TSHZ2: variants seen among roughly 807,000 people sequenced by gnomAD.
TSHZ2 encodes teashirt zinc finger homeobox 2.
TSHZ2 carries 21 observed loss-of-function variants against 74.4 expected under a neutral mutation model. The observed-to-expected ratio is 0.28, with a 90% CI of 0.20 to 0.41. The LOEUF is 0.41. Among genes scored for constraint, TSHZ2 ranks in the 10% least tolerant of loss-of-function variants. TSHZ2 has a pLI of 1.00. For missense variants in TSHZ2, 1,244 were observed against 1,293.5 expected (o/e 0.96, Z 0.59); for synonymous variants, 540 against 515.3 (o/e 1.05, Z -0.65).
intron 2 of TSHZ2, among the ~76,000 whole-genome samples, chr20:53,349,199 T>C (rs2145582973): frequency 6.6e-6 from 1 of 152,368 alleles, no homozygotes; most frequent in South Asian, 2.1e-4. Context: ...TTTCCTCATC[T>C]GTTAAAACTG....
At chr20:53,332,351 G>A (rs1038189586) in intron 2 of TSHZ2, among the ~76,000 whole-genome samples, 2 of 152,142 alleles carry the variant, frequency 1.3e-5, no homozygotes, top group African/African-American at 4.8e-5. Flanking sequence ...AAAGGCAAAG[G>A]CAACAGCATG....
intron 2 of TSHZ2, among the ~76,000 whole-genome samples, chr20:53,403,664 C>G (rs1375687051): frequency 6.6e-6 from 1 of 152,204 alleles, no homozygotes; most frequent in Non-Finnish European, 1.5e-5. Context: ...GCTGCTCACA[C>G]ACAGAAACGC....
chr20:53,264,819 G>A (rs1425970433), intron 2 of TSHZ2, among the ~76,000 whole-genome samples: 1 of 152,202 alleles, frequency 6.6e-6, no homozygotes, highest in Non-Finnish European at 1.5e-5. Flanking sequence ...TGGCATTCCT[G>A]TCGGGGAGAT....
At chr20:53,050,056 G>A (rs1035775315) in intron 1 of TSHZ2, among the ~76,000 whole-genome samples, 1 of 143,940 alleles carries the variant, frequency 6.9e-6, no homozygotes, top group South Asian at 2.4e-4. Context: ...ACTCTAGCCT[G>A]GGCAACAAAG....
At chr20:53,296,227 C>T (rs941994554) in intron 2 of TSHZ2, among the ~76,000 whole-genome samples, 2 of 152,094 alleles carry the variant, frequency 1.3e-5, no homozygotes, top group Non-Finnish European at 2.9e-5. Context: ...ATTGATGTCT[C>T]ATTGAGGAAT....
At chr20:53,385,689 G>T (rs1386161713) in intron 2 of TSHZ2, among the ~76,000 whole-genome samples, 1 of 152,186 alleles carries the variant, frequency 6.6e-6, no homozygotes, top group Non-Finnish European at 1.5e-5. Flanking sequence ...ACCCCGTTAG[G>T]CAGTACTTGG....
At chr20:53,461,267 G>A (rs1422225475) in intron 2 of TSHZ2, among the ~76,000 whole-genome samples, 1 of 152,264 alleles carries the variant, frequency 6.6e-6, no homozygotes, top group East Asian at 1.9e-4. Context: ...AAGCCCGTCA[G>A]AAAAGCGCTG....
intron 1 of TSHZ2, among the ~76,000 whole-genome samples, chr20:53,052,947 C>T (rs941193368): frequency 1.3e-5 from 2 of 152,296 alleles, no homozygotes; most frequent in East Asian, 1.9e-4. Context: ...CGCATGTTCA[C>T]GTAGCTGTGC....
intron 1 of TSHZ2, among the ~76,000 whole-genome samples, chr20:53,050,103 G>GTGTGTATATATATATATATA: frequency 8.6e-6 from 1 of 116,058 alleles, no homozygotes; most frequent in African/African-American, 3.9e-5. Flanking sequence ...GTATATGTGT[G>GTGTGTATATATATATATATA]TATATATATA....
At chr20:53,143,856 G>T (rs1315626853) in intron 1 of TSHZ2, among the ~76,000 whole-genome samples, 1 of 152,044 alleles carries the variant, frequency 6.6e-6, no homozygotes, top group African/African-American at 2.4e-5. Context: ...TTTAATTCAC[G>T]CAGAGCTGGC....
At chr20:53,151,473 A>G (rs1191861321) in intron 1 of TSHZ2, among the ~76,000 whole-genome samples, 3 of 152,184 alleles carry the variant, frequency 2.0e-5, no homozygotes, top group Admixed American at 1.3e-4. Flanking sequence ...AGTTTTCCAG[A>G]TCTTAGAAAG....
chr20:53,429,424 G>A lies in TSHZ2; in HGVS notation c.*9-57720G>A, dbSNP rs137870171. On this transcript the variant is annotated intron_variant, in intron 2 of 2. Transcript: ENST00000371497. ...CAGTGGGAGGTAATCGAATCATGGGGGCGGGTCTTTCCCGTGCTGTTCTCG... is the reference window on the plus strand; with the variant it reads ...CAGTGGGAGGTAATCGAATCATGGGAGCGGGTCTTTCCCGTGCTGTTCTCG... 2.9e-4 allele frequency among the ~76,000 whole-genome samples: 44 copies of A among 152,322 alleles called. No individual in the cohort carries two copies. The East Asian group carries it at 8.1e-3, about 28-fold the overall frequency.
rs532074457 is a variant in TSHZ2, at chr20:53,244,695, C to T, written c.41-8804C>T. ...TTGTCACCTCTCTCAGTGCAAAGCC[C>T]GAGGCCTCTAACAAAGACCTTTTTT... On this transcript the variant is annotated intron_variant, in intron 1 of 2. Transcript: ENST00000371497. 1.4e-4 allele frequency among the ~76,000 whole-genome samples: 21 copies of T among 152,134 alleles called. 1 individual carries two copies. The highest frequency in any genetic ancestry group is 7.9e-4 in the Admixed American group (12 of 15,266).
chr20:53,484,380 CTCT>C (rs71872818), intron 2 of TSHZ2, among the ~76,000 whole-genome samples: 23,186 of 139,090 alleles, frequency 0.17, 1,651 homozygotes, highest in East Asian at 0.29. Context: ...TTTTATCTCT[CTCT>C]TTTTTTTTTT....
Position 53,103,123 on chromosome 20 carries a change from G to C in TSHZ2, c.40+129790G>C, listed in dbSNP as rs1304972260. Reference sequence around the variant, plus strand: ...TATAGGTCAATTACAAAGAAAAAAAGTTCTAAAGCCCTGGTGTAGAAGGAA... The same window carrying C: ...TATAGGTCAATTACAAAGAAAAAAACTTCTAAAGCCCTGGTGTAGAAGGAA... On this transcript the variant is annotated intron_variant, in intron 1 of 2. Coordinates refer to ENST00000371497, the MANE Select transcript of TSHZ2 (RefSeq NM_173485.6). Among the ~76,000 whole-genome samples the C allele has an allele frequency of 2.0e-5, 3 of 152,286 alleles. No individual in the cohort carries two copies. In the East Asian group the frequency reaches 5.8e-4, roughly 29 times the overall value.
intron 2 of TSHZ2, among the ~76,000 whole-genome samples, chr20:53,274,818 A>G (rs530404424): frequency 6.6e-6 from 1 of 151,838 alleles, no homozygotes; most frequent in East Asian, 1.9e-4. Flanking sequence ...TATCTCTATC[A>G]CTGTCTTCAT....
At chr20:53,262,371 G>A (rs909986860) in intron 2 of TSHZ2, among the ~76,000 whole-genome samples, 5 of 152,066 alleles carry the variant, frequency 3.3e-5, no homozygotes, top group African/African-American at 9.7e-5. Context: ...CTCTATTGTT[G>A]GAAATGAGCA....
intron 1 of TSHZ2, among the ~76,000 whole-genome samples, chr20:53,036,852 TG>T: frequency 6.7e-6 from 1 of 150,076 alleles, no homozygotes; most frequent in Non-Finnish European, 1.5e-5. Flanking sequence ...ATTATATATG[TG>T]TAGATAGACA....
At position 53,478,498 on chromosome 20, in the gene TSHZ2, T is replaced by C. The variant is rs1259280871; in HGVS notation, c.*9-8646T>C. On this transcript the variant is annotated intron_variant, in intron 2 of 2. Coordinates refer to ENST00000371497, the MANE Select transcript of TSHZ2 (RefSeq NM_173485.6). ...GGACACAGGAAGGGGAATATCACAC[T>C]CTGGGGACTGTTGTAGGGTGGGGGG... Among the ~76,000 whole-genome samples, 52 of 118,024 alleles carry C rather than the reference T, an allele frequency of 4.4e-4. 1 individual carries two copies. The highest frequency in any genetic ancestry group is 2.3e-4 in the Non-Finnish European group (14 of 60,232). The allele number at this position is 118,024 out of a possible 152,430, so 77.4% of individuals were successfully genotyped here. A position where few individuals can be genotyped will look rare whatever the true frequency, so the allele number is the denominator to read the frequency against.
Sources: allele counts gnomAD v4.1 joint callset (sites outside exome capture counted in the v4.1 genomes callset), GRCh38; gene constraint gnomAD v4.1.1; transcripts MANE v1.5; gene names NCBI Gene and HGNC (gene_info 2026-07-23, HGNC 2026-07-21).